Variants in ELL observed in about 807,000 individuals in gnomAD.
The protein encoded by ELL is elongation factor for RNA polymerase II, also known as RNA polymerase II elongation factor ELL.
ELL carries 18 observed loss-of-function variants against 64.0 expected under a neutral mutation model. That is an observed-to-expected ratio of 0.28 (90% CI 0.19 to 0.42). ELL has a LOEUF of 0.42. Among genes scored for constraint, ELL ranks in the 10% least tolerant of loss-of-function variants. ELL has a pLI of 1.00. For synonymous variants in ELL, 399 were observed against 376.2 expected (o/e 1.06, Z -0.70); for missense variants, 797 against 870.4 (o/e 0.92, Z 1.06).
At chr19:18,470,854 G>A in intron 2 of ELL, 1 of 427,564 alleles carries the variant, frequency 2.3e-6, no homozygotes, top group Admixed American at 2.6e-5. Flanking sequence ...CCAGCCCTGA[G>A]GGTTACAGAC....
rs568766203 is a variant in ELL, at chr19:18,468,299, G to A, written c.184-2381C>T. 4.1e-4 allele frequency among the ~76,000 whole-genome samples: 62 copies of A among 151,686 alleles called. 2 individuals are homozygous for A. The South Asian group carries it at 0.01, about 25-fold the overall frequency. On this transcript the variant is annotated intron_variant, in intron 2 of 11. Transcript: ENST00000262809. ...CTCCCACACACAAACAACCACACAC[G>A]CCCTGAAGCCTCAGCCAGAGCCATG...
intron 11 of ELL, 128 bp downstream of exon 11, chr19:18,445,096 G>T: frequency 7.4e-7 from 1 of 1,352,814 alleles, no homozygotes; most frequent in Non-Finnish European, 1.0e-6. Context: ...GGCAACTTTG[G>T]CCTCAGACTC....
At chr19:18,491,878 G>A (rs1398770136) in intron 1 of ELL, among the ~76,000 whole-genome samples, 2 of 152,256 alleles carry the variant, frequency 1.3e-5, no homozygotes, top group East Asian at 1.9e-4. Context: ...GGGTGAAAGT[G>A]TGAGACCCAG....
At chr19:18,490,635 C>T (rs1175069889) in intron 1 of ELL, among the ~76,000 whole-genome samples, 1 of 152,162 alleles carries the variant, frequency 6.6e-6, no homozygotes, top group East Asian at 1.9e-4. Context: ...CTCCTGAGAC[C>T]AAATGCATGG....
At position 18,449,143 on chromosome 19, in the gene ELL, G is replaced by A. The variant is rs1017750799; in HGVS notation, c.1465+1334C>T. ...ACTGCCTAGGGGCCAACACGCACCAGGCCAGACAGGAAACCACCTTGAGTC... is the reference window on the plus strand; with the variant it reads ...ACTGCCTAGGGGCCAACACGCACCAAGCCAGACAGGAAACCACCTTGAGTC... On this transcript the variant is annotated intron_variant, in intron 8 of 11. Transcript: ENST00000262809. This position sits in a 1 kb window ranked among gnomAD's most constrained non-coding sequence, Gnocchi z 4.4. Among the ~76,000 whole-genome samples, 13 of 152,112 alleles carry A rather than the reference G, an allele frequency of 8.5e-5. No individual in the cohort carries two copies. Among genetic ancestry groups the A allele is most frequent in the Admixed American group, 7.2e-4 (11 of 15,280 alleles).
intron 6 of ELL, among the ~76,000 whole-genome samples, chr19:18,452,350 G>GC (rs1242277788): frequency 6.6e-6 from 1 of 152,212 alleles, no homozygotes; most frequent in Non-Finnish European, 1.5e-5. Flanking sequence ...GACACCCAGA[G>GC]CCCATCTCCC....
At chr19:18,494,922 G>A (rs1432849320) in intron 1 of ELL, among the ~76,000 whole-genome samples, 1 of 152,224 alleles carries the variant, frequency 6.6e-6, no homozygotes, top group African/African-American at 2.4e-5. Context: ...CTAGGCAGAT[G>A]TGATCTCAGA....
At chr19:18,462,054 A>G (rs913308231) in intron 4 of ELL, among the ~76,000 whole-genome samples, 1 of 152,208 alleles carries the variant, frequency 6.6e-6, no homozygotes. Flanking sequence ...AGGCACCTGC[A>G]GGGCACCCAG....
rs375937069 is a variant in ELL, at chr19:18,461,739, C to T, written c.583G>A (p.Ala195Thr). ...GACACCCCGCTGCCCCCACTCACGG[C>T]ACTGGCACCACTCTTCCTGATGGCA... ...ASAIRKSGASAVSGGSGVSQR... is the reference protein window; with the variant it reads ...ASAIRKSGASTVSGGSGVSQR... Residue 195 changes from alanine (A) to threonine (T), a missense_variant, in exon 5 of 12, where the codon GCC (alanine) becomes ACC (threonine). By Grantham distance (58) the Ala-to-Thr change is moderately conservative (BLOSUM62 0). Transcript: ENST00000262809. 5.0e-6 allele frequency: 8 copies of T among 1,613,842 alleles called. No homozygotes were observed. The African/African-American group carries it at 6.7e-5, about 13-fold the overall frequency.
intron 1 of ELL, among the ~76,000 whole-genome samples, chr19:18,483,721 G>A (rs1049081227): frequency 7.2e-5 from 11 of 152,178 alleles, no homozygotes; most frequent in Non-Finnish European, 1.5e-5. Context: ...AGGGTAGCAG[G>A]ATATGACAAA....
chr19:18,474,770 A>AG (rs1975143407), intron 1 of ELL, among the ~76,000 whole-genome samples: 8 of 152,220 alleles, frequency 5.3e-5, no homozygotes, highest in Admixed American at 4.6e-4. Flanking sequence ...TACTGCAGAG[A>AG]ACAGGGGACC....
At chr19:18,497,525 G>A (rs1975682424) in intron 1 of ELL, among the ~76,000 whole-genome samples, 1 of 152,154 alleles carries the variant, frequency 6.6e-6, no homozygotes, top group Non-Finnish European at 1.5e-5. Flanking sequence ...GGCTCCAGAT[G>A]ATAAAGACGT....
chr19:18,471,026 A>C (rs1360811571), intron 2 of ELL: 1 of 456,274 alleles, frequency 2.2e-6, no homozygotes, highest in East Asian at 7.0e-5. Context: ...AGCTGTGCAG[A>C]GCTCTCAGGC....
intron 1 of ELL, among the ~76,000 whole-genome samples, chr19:18,516,306 C>G (rs1976127577): frequency 6.6e-6 from 1 of 152,174 alleles, no homozygotes; most frequent in Non-Finnish European, 1.5e-5. Flanking sequence ...CCTCCACTCC[C>G]TTCACACCCT....
chr19:18,486,748 GAAA>G (rs890869678), intron 1 of ELL, among the ~76,000 whole-genome samples: 6 of 152,322 alleles, frequency 3.9e-5, no homozygotes, highest in Middle Eastern at 3.4e-3. Flanking sequence ...AAAGATCACA[GAAA>G]AATAAGAGGA....
intron 5 of ELL, among the ~76,000 whole-genome samples, chr19:18,460,563 G>A (rs146526188): frequency 1.3e-4 from 20 of 152,332 alleles, no homozygotes; most frequent in South Asian, 2.1e-4. Flanking sequence ...GAGCAGGATG[G>A]GGGTGGACGA....
intron 1 of ELL, among the ~76,000 whole-genome samples, chr19:18,493,097 A>G (rs1214115745): frequency 1.3e-5 from 2 of 152,146 alleles, no homozygotes; most frequent in East Asian, 1.9e-4. Flanking sequence ...GGCTGCCTTC[A>G]TCTTCCCCTC....
chr19:18,448,442 A>G (rs1014927859), intron 8 of ELL: 3 of 152,118 alleles, frequency 2.0e-5, no homozygotes, highest in Non-Finnish European at 2.9e-5. Context: ...TGTCTTCCAT[A>G]TCACCACCAC....
chr19:18,473,484 G>A (rs1975107479), intron 1 of ELL, among the ~76,000 whole-genome samples: 1 of 152,220 alleles, frequency 6.6e-6, no homozygotes, highest in Non-Finnish European at 1.5e-5. Flanking sequence ...CCTGGGGTGG[G>A]AGCCTGAGGC....
Sources: allele counts gnomAD v4.1 joint callset (sites outside exome capture counted in the v4.1 genomes callset), GRCh38; gene constraint gnomAD v4.1.1; non-coding constraint Gnocchi (gnomAD v3.1); transcripts MANE v1.5; gene names NCBI Gene and HGNC (gene_info 2026-07-23, HGNC 2026-07-21).